Variants in PTPRE observed in about 807,000 individuals in gnomAD.
PTPRE encodes the protein receptor-type tyrosine-protein phosphatase epsilon.
Under a neutral mutation model 102.0 loss-of-function variants are expected in PTPRE, and 51 were observed. The observed-to-expected ratio is 0.50, with a 90% CI of 0.40 to 0.63. The LOEUF is 0.63. Ranked by LOEUF, PTPRE falls within the 30% of genes least tolerant of loss-of-function variation. The pLI is 0.00. For missense variants in PTPRE, 752 were observed against 915.1 expected (o/e 0.82, Z 2.30); for synonymous variants, 345 against 348.2 (o/e 0.99, Z 0.10).
chr10:128,074,849 C>G (rs10764744), intron 17 of PTPRE, among the ~76,000 whole-genome samples: 48,021 of 152,044 alleles, frequency 0.32, 8,405 homozygotes, highest in Admixed American at 0.44. Flanking sequence ...GACTGTTTTC[C>G]TCAGTAGCTG....
intron 2 of PTPRE, among the ~76,000 whole-genome samples, chr10:128,004,181 T>C (rs971926498): frequency 6.6e-6 from 1 of 151,258 alleles, no homozygotes; most frequent in African/African-American, 2.4e-5. Context: ...TGATCATCTT[T>C]CAAGAGTCAT....
intron 1 of PTPRE, 95 bp from the exon 2 acceptor site, chr10:127,982,179 A>C: frequency 2.9e-6 from 2 of 684,302 alleles, no homozygotes; most frequent in South Asian, 1.7e-5. Flanking sequence ...AAAATGGGAT[A>C]GTCGACTAGT....
chr10:128,082,415 A>G (rs1851806107), intron 20 of PTPRE, among the ~76,000 whole-genome samples: 1 of 151,472 alleles, frequency 6.6e-6, no homozygotes, highest in Non-Finnish European at 1.5e-5. Flanking sequence ...GGGTTTCACC[A>G]TGTTGCCCAG....
At chr10:128,075,340 AG>A (rs2136054710) in intron 17 of PTPRE, among the ~76,000 whole-genome samples, 1 of 152,286 alleles carries the variant, frequency 6.6e-6, no homozygotes, top group South Asian at 2.1e-4. Context: ...TTTGTTACAT[AG>A]GTATACATGT....
chr10:127,970,052 T>C (rs1242629363), intron 1 of PTPRE, among the ~76,000 whole-genome samples: 3 of 149,714 alleles, frequency 2.0e-5, no homozygotes, highest in Non-Finnish European at 4.5e-5. Flanking sequence ...TGAAGCTGAG[T>C]TCTTTTTTTG....
intron 2 of PTPRE, among the ~76,000 whole-genome samples, chr10:128,033,062 C>T (rs1249153598): frequency 1.3e-5 from 2 of 152,094 alleles, no homozygotes; most frequent in Admixed American, 6.6e-5. Flanking sequence ...GTAATGGTGT[C>T]GCTGACCACG....
intron 1 of PTPRE, among the ~76,000 whole-genome samples, chr10:127,975,608 C>T (rs754950505): frequency 2.0e-5 from 3 of 152,064 alleles, no homozygotes; most frequent in African/African-American, 4.8e-5. Flanking sequence ...CCAATTGGCA[C>T]GCTGAAAAAG....
chr10:127,963,051 G>T (rs1849952200), intron 1 of PTPRE, among the ~76,000 whole-genome samples: 2 of 152,194 alleles, frequency 1.3e-5, no homozygotes, highest in Admixed American at 1.3e-4. Flanking sequence ...GGCTGAGGCT[G>T]CAGGAAAGAT....
Position 128,083,071 on chromosome 10 carries a change from C to A in PTPRE, c.*165C>A. Reference sequence around the variant, plus strand: ...ATACAGTTGTTAAATCTTAAATATGCTTTTTAAAAATTGGAATAATGTATT... The same window carrying A: ...ATACAGTTGTTAAATCTTAAATATGATTTTTAAAAATTGGAATAATGTATT... On this transcript the variant is annotated 3_prime_UTR_variant, in exon 21 of 21. Transcript: ENST00000254667. The A allele has an allele frequency of 1.8e-6, 1 of 547,648 alleles. No individual in the cohort carries two copies. Among genetic ancestry groups the A allele is most frequent in the Non-Finnish European group, 2.8e-6 (1 of 356,562 alleles). The allele number at this position is 547,648 out of a possible 1,614,324, so 33.9% of individuals were successfully genotyped here.
Position 127,907,178 on chromosome 10 carries a change from T to TGCGC in PTPRE, c.-160_-157dup, listed in dbSNP as rs1845530197. 1 of 845,534 alleles carries TGCGC rather than the reference T, an allele frequency of 1.2e-6. No individual in the cohort carries two copies. The highest frequency in any genetic ancestry group is 5.4e-5 in the South Asian group (1 of 18,542). The allele number at this position is 845,534 out of a possible 1,614,324, so 52.4% of individuals were successfully genotyped here. A position where few individuals can be genotyped will look rare whatever the true frequency, so the allele number is the denominator to read the frequency against. ...AGCGGCTTCAGGAACCCACGGCCTC[T>TGCGC]GCGCGTCCCCGCGACCCTTCTTCGC... On this transcript the variant is annotated 5_prime_UTR_variant, in exon 1 of 21. Transcript: ENST00000254667. This position sits in a 1 kb window ranked among gnomAD's most constrained non-coding sequence, Gnocchi z 4.8.
chr10:127,912,738 A>C (rs942854584), intron 1 of PTPRE, among the ~76,000 whole-genome samples: 3 of 152,046 alleles, frequency 2.0e-5, no homozygotes, highest in African/African-American at 7.2e-5. Context: ...CAGGTACATG[A>C]CTCTGTCGTC....
chr10:127,949,023 C>T (rs1848828894), intron 1 of PTPRE, among the ~76,000 whole-genome samples: 1 of 152,254 alleles, frequency 6.6e-6, no homozygotes, highest in South Asian at 2.1e-4. Flanking sequence ...CTGGACAATT[C>T]CAGGCTTGTC....
At chr10:127,986,155 T>C (rs1337339227) in intron 2 of PTPRE, among the ~76,000 whole-genome samples, 2 of 152,198 alleles carry the variant, frequency 1.3e-5, no homozygotes, top group Non-Finnish European at 2.9e-5. Context: ...TAAGCTGGAT[T>C]AGGAAGGGTC....
Position 128,077,600 on chromosome 10 carries a change from C to A in PTPRE, c.1726-17C>A. On this transcript the variant is annotated splice_polypyrimidine_tract_variant and intron_variant, in intron 18 of 20. Transcript: ENST00000254667. ...CCGGCAGGCAGGCGACGCTGAGACC[C>A]CCTCTCCTCCCTGCAGCCCCAGGCC... 6.3e-7 allele frequency: 1 copy of A among 1,591,356 alleles called. No individual in the cohort carries two copies. The highest frequency in any genetic ancestry group is 1.1e-5 in the South Asian group (1 of 89,994).
chr10:128,054,486 G>A (rs74159152), intron 6 of PTPRE, among the ~76,000 whole-genome samples: 1,545 of 152,172 alleles, frequency 0.01, 27 homozygotes, highest in African/African-American at 0.035. Context: ...AACTACAGGC[G>A]GCGTAGGTGC....
At chr10:127,962,068 G>A (rs532998463) in intron 1 of PTPRE, among the ~76,000 whole-genome samples, 1 of 152,320 alleles carries the variant, frequency 6.6e-6, no homozygotes, top group Non-Finnish European at 1.5e-5. Context: ...TTTATTACCT[G>A]TTTTCTTAAG....
At chr10:128,022,321 A>G (rs557858181) in intron 2 of PTPRE, among the ~76,000 whole-genome samples, 5 of 152,338 alleles carry the variant, frequency 3.3e-5, no homozygotes, top group African/African-American at 9.6e-5. Flanking sequence ...AGGCAGGGCC[A>G]GGGCTGCCCC....
intron 1 of PTPRE, among the ~76,000 whole-genome samples, chr10:127,970,530 C>T (rs540338930): frequency 2.0e-5 from 3 of 151,912 alleles, no homozygotes; most frequent in South Asian, 2.1e-4. Context: ...TCATCTGTTG[C>T]GTTTTTTCAT....
chr10:128,057,470 C>G (rs1849090681), intron 7 of PTPRE, among the ~76,000 whole-genome samples: 1 of 152,130 alleles, frequency 6.6e-6, no homozygotes, highest in African/African-American at 2.4e-5. Context: ...GAATGCTGCT[C>G]CCTGCTGCAT....
Sources: allele counts gnomAD v4.1 joint callset (sites outside exome capture counted in the v4.1 genomes callset), GRCh38; gene constraint gnomAD v4.1.1; non-coding constraint Gnocchi (gnomAD v3.1); transcripts MANE v1.5; gene names NCBI Gene and HGNC (gene_info 2026-07-23, HGNC 2026-07-21).